The following TMEM232 variants were observed in gnomAD, a reference collection of about 807,000 sequenced individuals.
TMEM232 encodes the protein transmembrane protein 232.
TMEM232 carries 80 observed loss-of-function variants against 78.8 expected under a neutral mutation model. That is an observed-to-expected ratio of 1.01 (90% confidence interval 0.85 to 1.22). The LOEUF (loss-of-function observed/expected upper bound fraction) is 1.22, where lower values mean the gene tolerates loss of function less well. TMEM232 is among the 50% of genes most tolerant of loss of function. TMEM232 has a pLI of 0.00. For missense variants in TMEM232, 881 were observed against 742.2 expected, an observed-to-expected ratio of 1.19 and a Z score of -2.17; for synonymous variants, 297 against 254.3, an observed-to-expected ratio of 1.17 and a Z score of -1.60.
chr5:110,499,058 A>AT (rs1185844880), intron 12 of TMEM232, among the ~76,000 whole-genome samples: 1 of 152,302 alleles, frequency 6.6e-6, no homozygotes, highest in South Asian at 2.1e-4. Context: ...ATAAAATAAA[A>AT]TAGAGGTATG....
intron 1 of TMEM232, among the ~76,000 whole-genome samples, chr5:110,694,648 T>G (rs1418992658): frequency 1.3e-5 from 2 of 151,954 alleles, no homozygotes; most frequent in African/African-American, 4.8e-5. Flanking sequence ...AGGCAGGGGT[T>G]GCAATCCTAG....
intron 12 of TMEM232, among the ~76,000 whole-genome samples, chr5:110,510,721 A>G (rs1767620834): frequency 6.6e-6 from 1 of 152,236 alleles, no homozygotes; most frequent in Non-Finnish European, 1.5e-5. Context: ...TCACAGAGAA[A>G]TGCAAATCAA....
chr5:110,441,039 A>C (rs1758977159), intron 12 of TMEM232, among the ~76,000 whole-genome samples: 1 of 152,160 alleles, frequency 6.6e-6, no homozygotes, highest in Admixed American at 6.6e-5. Context: ...GATGTGGAGA[A>C]GACTCAGTGG....
intron 12 of TMEM232, among the ~76,000 whole-genome samples, chr5:110,497,849 G>T (rs1561573013): frequency 6.6e-6 from 1 of 152,036 alleles, no homozygotes; most frequent in Non-Finnish European, 1.5e-5. Context: ...ATTGGATGAG[G>T]CCATCTGATA....
At chr5:110,717,067 T>C (rs984027807) in intron 1 of TMEM232, among the ~76,000 whole-genome samples, 3 of 152,098 alleles carry the variant, frequency 2.0e-5, no homozygotes, top group East Asian at 3.9e-4. Context: ...ATGAGGTCAT[T>C]ATAGGCAATC....
rs559844852 is a variant in TMEM232 at position 110,676,407 on chromosome 5, T to C, written c.-12-9043A>G. Among the ~76,000 whole-genome samples the C allele has an allele frequency of 3.9e-4, 59 of 152,110 alleles. No homozygotes were observed. The South Asian group carries it at 0.012, about 32-fold the overall frequency. On this transcript the variant is annotated intron_variant, in intron 1 of 13. Coordinates refer to ENST00000455884, the MANE Select transcript of TMEM232 (RefSeq NM_001039763.4). ...GTGTACAGGGTTCCCTTTTCTTTTTTTTTTTTTAGACAGGGTCTCACTCTG... is the reference window on the plus strand; with the variant it reads ...GTGTACAGGGTTCCCTTTTCTTTTTCTTTTTTTAGACAGGGTCTCACTCTG...
intron 10 of TMEM232, among the ~76,000 whole-genome samples, chr5:110,597,157 T>C (rs1780271334): frequency 6.6e-6 from 1 of 152,146 alleles, no homozygotes; most frequent in Non-Finnish European, 1.5e-5. Flanking sequence ...GATAAGCAAC[T>C]TCAGCAAAGT....
chr5:110,632,569 A>C (rs1785270492), intron 5 of TMEM232, among the ~76,000 whole-genome samples: 1 of 152,176 alleles, frequency 6.6e-6, no homozygotes, highest in Non-Finnish European at 1.5e-5. Flanking sequence ...CAAAAGAACC[A>C]AACAAAATCT....
intron 10 of TMEM232, among the ~76,000 whole-genome samples, chr5:110,575,748 T>C (rs930543122): frequency 1.3e-5 from 2 of 151,948 alleles, no homozygotes; most frequent in Admixed American, 6.6e-5. Flanking sequence ...AGTGAGTGAA[T>C]GTGTGACCCT....
intron 2 of TMEM232, among the ~76,000 whole-genome samples, chr5:110,645,502 A>C (rs1386184604): frequency 6.6e-6 from 1 of 151,470 alleles, no homozygotes; most frequent in Non-Finnish European, 1.5e-5. Context: ...AACATTTGCC[A>C]AAGTTTAACT....
intron 1 of TMEM232, among the ~76,000 whole-genome samples, chr5:110,702,755 G>A (rs1795557683): frequency 1.3e-5 from 2 of 152,048 alleles, no homozygotes; most frequent in Non-Finnish European, 2.9e-5. Context: ...GGCAGGCTAT[G>A]CCATTGTGTC....
intron 1 of TMEM232, among the ~76,000 whole-genome samples, chr5:110,695,202 A>G (rs1794621156): frequency 6.6e-6 from 1 of 152,208 alleles, no homozygotes; most frequent in African/African-American, 2.4e-5. Context: ...CTGAATGACT[A>G]CTGGGTACAT....
At chr5:110,573,491 T>C (rs1052168358) in intron 10 of TMEM232, among the ~76,000 whole-genome samples, 2 of 152,074 alleles carry the variant, frequency 1.3e-5, no homozygotes, top group South Asian at 2.1e-4. Flanking sequence ...ATTTAACTAA[T>C]ATTTACTGAG....
At chr5:110,442,417 A>T (rs1759161552) in intron 12 of TMEM232, among the ~76,000 whole-genome samples, 1 of 151,852 alleles carries the variant, frequency 6.6e-6, no homozygotes, top group African/African-American at 2.4e-5. Context: ...AGAGACTCTG[A>T]TGCATTCTTC....
chr5:110,526,307 G>A (rs1039138539), intron 12 of TMEM232, among the ~76,000 whole-genome samples: 2 of 151,274 alleles, frequency 1.3e-5, no homozygotes, highest in African/African-American at 4.8e-5. Flanking sequence ...AGTATTTGTA[G>A]CTCTTACCAT....
chr5:110,702,992 T>C (rs1435781934), intron 1 of TMEM232, among the ~76,000 whole-genome samples: 2 of 152,024 alleles, frequency 1.3e-5, no homozygotes, highest in Non-Finnish European at 2.9e-5. Context: ...GTTTCTGACC[T>C]CCTCCTAGAA....
At chr5:110,723,228 T>C (rs1327265525) in intron 1 of TMEM232, among the ~76,000 whole-genome samples, 2 of 152,172 alleles carry the variant, frequency 1.3e-5, no homozygotes, top group Non-Finnish European at 2.9e-5. Context: ...TTCTCCTTTG[T>C]GAGTTTTGGC....
intron 12 of TMEM232, among the ~76,000 whole-genome samples, chr5:110,452,427 G>T (rs545416852): frequency 1.3e-5 from 2 of 152,248 alleles, no homozygotes; most frequent in Admixed American, 6.5e-5. Context: ...GATTGATTTT[G>T]TAGCATGTGA....
At chr5:110,407,945 A>G (rs73218908) in intron 2 of TMEM232, among the ~76,000 whole-genome samples, 2,070 of 152,274 alleles carry the variant, frequency 0.014, 47 homozygotes, top group African/African-American at 0.047. Flanking sequence ...AAAATACACA[A>G]CCTTGGAAAT....
Sources: allele counts gnomAD v4.1 joint callset (sites outside exome capture counted in the v4.1 genomes callset), GRCh38; gene constraint gnomAD v4.1.1; transcripts MANE v1.5; gene names NCBI Gene and HGNC (gene_info 2026-07-23, HGNC 2026-07-21).